CDH9: variants seen among roughly 807,000 people sequenced by gnomAD.
The protein encoded by CDH9 is cadherin 9, also known as cadherin-9.
CDH9 carries 28 observed loss-of-function variants against 70.9 expected under a neutral mutation model. The observed-to-expected ratio is 0.40, with a 90% confidence interval of 0.29 to 0.54. CDH9 has a LOEUF of 0.54. CDH9 is among the 20% of genes least tolerant of loss of function. The pLI, the probability that CDH9 is intolerant of heterozygous loss-of-function variation, is 0.59. For synonymous variants in CDH9, 409 were observed against 343.1 expected (o/e 1.19, Z -2.12); for missense variants, 874 against 984.4 (o/e 0.89, Z 1.50).
At position 26,939,655 on chromosome 5, in the gene CDH9, G is replaced by C. The variant is rs555779723; in HGVS notation, c.229-23731C>G. 1.3e-4 allele frequency among the ~76,000 whole-genome samples: 20 copies of C among 151,794 alleles called. No homozygotes were observed. The South Asian group carries it at 3.9e-3, about 30-fold the overall frequency. Reference sequence around the variant, plus strand: ...TTTAAATTAAATATGCATACTTTTTGGCACAATTATCCTAATGCAGTTTTT... The same window carrying C: ...TTTAAATTAAATATGCATACTTTTTCGCACAATTATCCTAATGCAGTTTTT... On this transcript the variant is annotated intron_variant, in intron 2 of 11. Coordinates refer to ENST00000231021, the MANE Select transcript of CDH9 (RefSeq NM_016279.4).
intron 3 of CDH9, among the ~76,000 whole-genome samples, chr5:26,908,839 C>T (rs1740995890): frequency 6.6e-6 from 1 of 151,964 alleles, no homozygotes; most frequent in South Asian, 2.1e-4. Context: ...GACAAAATAT[C>T]ATTGATATGT....
At chr5:26,994,001 G>A (rs1160210585) in intron 1 of CDH9, among the ~76,000 whole-genome samples, 1 of 152,090 alleles carries the variant, frequency 6.6e-6, no homozygotes. Context: ...GCCTTGTTGG[G>A]TTTTAAACTT....
chr5:26,949,438 C>T (rs1741807832), intron 2 of CDH9, among the ~76,000 whole-genome samples: 1 of 152,138 alleles, frequency 6.6e-6, no homozygotes, highest in Admixed American at 6.6e-5. Flanking sequence ...GATTAATATT[C>T]CAAGGAAGGC....
At chr5:27,017,176 AG>A (rs1444182488) in intron 1 of CDH9, among the ~76,000 whole-genome samples, 6 of 151,978 alleles carry the variant, frequency 3.9e-5, no homozygotes, top group Non-Finnish European at 8.8e-5. Context: ...CTTAATCATA[AG>A]AGACACACAT....
At chr5:26,961,081 C>T (rs1345721722) in intron 2 of CDH9, among the ~76,000 whole-genome samples, 1 of 151,986 alleles carries the variant, frequency 6.6e-6, no homozygotes, top group African/African-American at 2.4e-5. Flanking sequence ...ATTTCTCAGG[C>T]CATCATGGAT....
At chr5:26,907,919 A>T (rs1740978115) in intron 3 of CDH9, among the ~76,000 whole-genome samples, 1 of 152,130 alleles carries the variant, frequency 6.6e-6, no homozygotes, top group African/African-American at 2.4e-5. Context: ...CACACTCAAT[A>T]ACTTGTCTAA....
At chr5:26,982,824 A>C (rs937330300) in intron 2 of CDH9, among the ~76,000 whole-genome samples, 5 of 151,938 alleles carry the variant, frequency 3.3e-5, no homozygotes, top group African/African-American at 1.2e-4. Context: ...CTAGGATTAC[A>C]GGCACCTGCC....
At position 26,906,046 on chromosome 5, in the gene CDH9, C is replaced by A. The variant is rs1194827341; in HGVS notation, c.724G>T (p.Gly242Cys). ...CCAGAAAGGCCTCCCATCTGGCCAC[C>A]CATGTCTTTGGCCTGTATAACAACC... Reference protein sequence around the residue: ...YQVVIQAKDMGGQMGGLSGTT... With the variant: ...YQVVIQAKDMCGQMGGLSGTT... The change falls in exon 5 of 12, where the codon GGT becomes TGT. Residue 242 changes from glycine (G) to cysteine (C), a missense_variant. Physicochemically the swap from Gly to Cys is radical, Grantham distance 159 (BLOSUM62 -3). Coordinates refer to ENST00000231021, the MANE Select transcript of CDH9 (RefSeq NM_016279.4). 1 of 1,613,110 alleles carries A rather than the reference C, an allele frequency of 6.2e-7. No homozygotes were observed. The highest frequency in any genetic ancestry group is 8.5e-7 in the Non-Finnish European group (1 of 1,179,206).
chr5:26,888,885 G>C (rs1740607917), intron 9 of CDH9, among the ~76,000 whole-genome samples: 1 of 152,092 alleles, frequency 6.6e-6, no homozygotes, highest in Non-Finnish European at 1.5e-5. Flanking sequence ...TGAGCTCTCT[G>C]TTATCTTTTC....
At chr5:27,008,997 G>A (rs1742912727) in intron 1 of CDH9, among the ~76,000 whole-genome samples, 1 of 152,120 alleles carries the variant, frequency 6.6e-6, no homozygotes, top group Non-Finnish European at 1.5e-5. Context: ...AAAGGCATTA[G>A]TGAAGAACCA....
At chr5:26,897,057 TA>T (rs1229565298) in intron 7 of CDH9, among the ~76,000 whole-genome samples, 1 of 151,804 alleles carries the variant, frequency 6.6e-6, no homozygotes, top group Non-Finnish European at 1.5e-5. Context: ...GCATATAAAC[TA>T]AAAAAACTAG....
intron 2 of CDH9, among the ~76,000 whole-genome samples, chr5:26,933,775 T>C (rs1208130871): frequency 1.4e-5 from 2 of 141,592 alleles, no homozygotes; most frequent in African/African-American, 2.8e-5. Context: ...CAAGACTCCG[T>C]CAAAATAAAA....
chr5:26,953,511 G>A (rs1265035785), intron 2 of CDH9, among the ~76,000 whole-genome samples: 1 of 152,124 alleles, frequency 6.6e-6, no homozygotes, highest in African/African-American at 2.4e-5. Context: ...CATGTGTAAT[G>A]GCTCTCACAA....
chr5:26,917,642 A>T (rs527939720), intron 2 of CDH9, among the ~76,000 whole-genome samples: 72 of 152,062 alleles, frequency 4.7e-4, no homozygotes, highest in Non-Finnish European at 9.9e-4. Flanking sequence ...AATAATTGTC[A>T]CATGTAGCCT....
chr5:26,949,590 AT>A (rs1640313583), intron 2 of CDH9, among the ~76,000 whole-genome samples: 2 of 152,186 alleles, frequency 1.3e-5, no homozygotes, highest in Admixed American at 1.3e-4. Flanking sequence ...CATTGAACTC[AT>A]GTTCATCATG....
intron 2 of CDH9, among the ~76,000 whole-genome samples, chr5:26,932,871 T>C (rs868600999): frequency 6.6e-6 from 1 of 151,502 alleles, no homozygotes; most frequent in Non-Finnish European, 1.5e-5. Context: ...TGTCTAGGTA[T>C]AATTGAGCTT....
intron 2 of CDH9, among the ~76,000 whole-genome samples, chr5:26,983,255 A>C (rs1742432293): frequency 1.3e-5 from 2 of 152,340 alleles, no homozygotes; most frequent in East Asian, 1.9e-4. Context: ...TTATGGGGAC[A>C]TAGAACATAG....
intron 2 of CDH9, among the ~76,000 whole-genome samples, chr5:26,916,173 C>G (rs778592507): frequency 6.6e-6 from 1 of 151,716 alleles, no homozygotes; most frequent in African/African-American, 2.4e-5. Context: ...ATGTATCTGT[C>G]AAAACAAAGA....
Position 26,881,389 on chromosome 5 carries a change from A to G in CDH9, c.2117T>C (p.Leu706Pro), listed in dbSNP as rs887136725. ...TIFQIRRTVPLWENIDVQDFI... is the reference protein window; with the variant it reads ...TIFQIRRTVPPWENIDVQDFI... ...ATCTTGTACATCAATATTTTCCCAC[A>G]GAGGCACAGTCCTCCTTATCTGAAA... Residue 706 changes from leucine to proline, a missense_variant, in exon 12 of 12, where the codon CTG (leucine) becomes CCG (proline). By Grantham distance (98) the Leu-to-Pro change is moderately conservative. Transcript: ENST00000231021. The G allele has an allele frequency of 4.3e-6, 7 of 1,613,574 alleles. No homozygotes were observed. Among genetic ancestry groups the G allele is most frequent in the Non-Finnish European group, 5.9e-6 (7 of 1,179,696 alleles).
Sources: allele counts gnomAD v4.1 joint callset (sites outside exome capture counted in the v4.1 genomes callset), GRCh38; gene constraint gnomAD v4.1.1; transcripts MANE v1.5; gene names NCBI Gene and HGNC (gene_info 2026-07-23, HGNC 2026-07-21).